The following CUX1 variants were observed in gnomAD, a reference collection of about 807,000 sequenced individuals.
CUX1 encodes cut like homeobox 1, also known as protein CASP.
Under a neutral mutation model 158.8 loss-of-function variants are expected in CUX1, and 31 were observed. The observed-to-expected ratio is 0.20, with a 90% CI of 0.15 to 0.26. CUX1 has a LOEUF of 0.26. Among genes scored for constraint, CUX1 ranks in the 10% least tolerant of loss-of-function variants. CUX1 has a pLI of 1.00. For missense variants in CUX1, 1,589 were observed against 2,014.6 expected (o/e 0.79, Z 4.04); for synonymous variants, 879 against 862.1 (o/e 1.02, Z -0.34).
chr7:102,280,919 C>T, intron 20 of CUX1: 19 of 1,493,862 alleles, frequency 1.3e-5, no homozygotes, highest in Non-Finnish European at 1.8e-5. Flanking sequence ...TGTCTCCAGG[C>T]ACCTCTTCAC....
intron 20 of CUX1, among the ~76,000 whole-genome samples, chr7:102,216,183 A>G (rs538371188): frequency 5.8e-4 from 88 of 152,108 alleles, no homozygotes; most frequent in Middle Eastern, 3.4e-3. Flanking sequence ...GTGCATCTAT[A>G]ATCTATAGTC....
At chr7:102,034,132 C>G (rs1372295068) in intron 3 of CUX1, among the ~76,000 whole-genome samples, 3 of 109,672 alleles carry the variant, frequency 2.7e-5, no homozygotes, top group South Asian at 6.4e-4. Context: ...GGTGACAGAG[C>G]GAGACTCCAT....
In CUX1 at chr7:102,158,591, C is replaced by A; in HGVS notation, c.706C>A (p.Leu236Ile). ...ADEIEMIMTD[L>I]ERANQRAEVA... ...CGAGATTGAAATGATCATGACGGAC[C>A]TTGAAAGGGCAAACCAGGTAGGACC... is the stretch of plus-strand genomic sequence containing the variant. Residue 236 changes from leucine to isoleucine, a missense_variant, in exon 9 of 24, where the codon CTT (leucine) becomes ATT (isoleucine). Transcript: ENST00000292535. 6.2e-7 allele frequency: 1 copy of A among 1,613,986 alleles called. No homozygotes were observed. Among genetic ancestry groups the A allele is most frequent in the South Asian group, 1.1e-5 (1 of 91,040 alleles).
At chr7:101,988,702 T>C (rs17408640) in intron 2 of CUX1, among the ~76,000 whole-genome samples, 25,878 of 152,040 alleles carry the variant, frequency 0.17, 2,457 homozygotes, top group Middle Eastern at 0.22. Context: ...GACAGAGTCC[T>C]GCGTCGGGAT....
At chr7:101,895,282 G>A (rs12534641) in intron 1 of CUX1, among the ~76,000 whole-genome samples, 31,813 of 152,032 alleles carry the variant, frequency 0.21, 5,064 homozygotes, top group East Asian at 0.84. Flanking sequence ...GAAATCATGT[G>A]GGAAGTGCTT....
intron 3 of CUX1, among the ~76,000 whole-genome samples, chr7:102,031,728 G>A (rs989494587): frequency 2.0e-5 from 3 of 151,918 alleles, no homozygotes; most frequent in African/African-American, 7.3e-5. Context: ...ATGGTTATAC[G>A]GGGAAGCAAA....
chr7:102,080,854 A>G (rs1422169126), intron 4 of CUX1, among the ~76,000 whole-genome samples: 3 of 152,220 alleles, frequency 2.0e-5, no homozygotes, highest in Non-Finnish European at 4.4e-5. Flanking sequence ...TTTGCATTAA[A>G]GTCCCAGAGC....
intron 3 of CUX1, among the ~76,000 whole-genome samples, chr7:102,042,942 C>T (rs1822289237): frequency 6.6e-6 from 1 of 151,752 alleles, no homozygotes; most frequent in Non-Finnish European, 1.5e-5. Flanking sequence ...GGCTCCTGGC[C>T]AGGCTAATTT....
intron 2 of CUX1, among the ~76,000 whole-genome samples, chr7:101,938,763 G>C (rs150203028): frequency 1.3e-5 from 2 of 152,018 alleles, no homozygotes; most frequent in Non-Finnish European, 2.9e-5. Flanking sequence ...AAAATTAGCC[G>C]AGCGTGATGG....
At chr7:102,035,213 T>TA (rs961412889) in intron 3 of CUX1, among the ~76,000 whole-genome samples, 3 of 152,250 alleles carry the variant, frequency 2.0e-5, no homozygotes, top group Admixed American at 1.3e-4. Flanking sequence ...GCTCTTGACT[T>TA]ACGATGGTGC....
chr7:102,132,797 G>C (rs1243819654), intron 8 of CUX1, among the ~76,000 whole-genome samples: 5 of 143,832 alleles, frequency 3.5e-5, no homozygotes, highest in African/African-American at 1.3e-4. Flanking sequence ...TCAGCTTCCT[G>C]AGTAGCTGGG....
intron 20 of CUX1, among the ~76,000 whole-genome samples, chr7:102,206,354 C>T (rs779101280): frequency 2.0e-5 from 3 of 152,198 alleles, no homozygotes. Flanking sequence ...AGGGATCACT[C>T]ATTCTGGCTT....
At chr7:101,863,551 A>G (rs1398041329) in intron 1 of CUX1, among the ~76,000 whole-genome samples, 1 of 152,162 alleles carries the variant, frequency 6.6e-6, no homozygotes, top group East Asian at 1.9e-4. Context: ...AGGTTTCGCC[A>G]TGTTGGCCAG....
intron 9 of CUX1, among the ~76,000 whole-genome samples, chr7:102,164,332 G>A (rs1790778352): frequency 6.6e-6 from 1 of 152,234 alleles, no homozygotes; most frequent in Non-Finnish European, 1.5e-5. Flanking sequence ...TTTGAAGCCA[G>A]CATTTCTTTA....
chr7:101,937,577 C>A (rs1807094301), intron 2 of CUX1, among the ~76,000 whole-genome samples: 1 of 151,618 alleles, frequency 6.6e-6, no homozygotes. Flanking sequence ...GTAGCACGAT[C>A]TTGGCCCATT....
Position 101,869,183 on chromosome 7 carries a change from G to GAGACC in CUX1, c.31-46929_31-46925dup, listed in dbSNP as rs756812951. ...AATGGCTGGTGGGGGCAGGTAGGGG[G>GAGACC]AGACCAGGATGAGCCCCATGTGCGC... On this transcript the variant is annotated intron_variant, in intron 1 of 23. Transcript: ENST00000292535. This position sits in a 1 kb window ranked among gnomAD's most constrained non-coding sequence, Gnocchi z 4.5. Among the ~76,000 whole-genome samples the GAGACC allele has an allele frequency of 6.6e-6, 1 of 151,986 alleles. No individual in the cohort carries two copies. The highest frequency in any genetic ancestry group is 1.5e-5 in the Non-Finnish European group (1 of 67,982).
intron 1 of CUX1, among the ~76,000 whole-genome samples, chr7:101,872,315 G>A (rs981645104): frequency 6.6e-6 from 1 of 151,812 alleles, no homozygotes; most frequent in Non-Finnish European, 1.5e-5. Flanking sequence ...TGTATTTTTA[G>A]TAGAGACGGG....
chr7:101,913,161 T>C (rs950836881), intron 1 of CUX1: 3 of 246,130 alleles, frequency 1.2e-5, no homozygotes, highest in African/African-American at 6.9e-5. Flanking sequence ...TTTAAAAAAA[T>C]TTTCTCCAAG....
In CUX1 at chr7:101,882,076, C is replaced by T. The variant is rs1443378146; in HGVS notation, c.31-34039C>T. Among the ~76,000 whole-genome samples, 38 of 151,054 alleles carry T rather than the reference C, an allele frequency of 2.5e-4. 1 individual carries two copies. The highest frequency in any genetic ancestry group is 2.3e-3 in the Admixed American group (35 of 15,128). On this transcript the variant is annotated intron_variant, in intron 1 of 23. Transcript: ENST00000292535. ...GTGCACGCCTGTAGTCCCATCTCCT[C>T]GGGAGGCTGAGGTGGGAGGATCGCT...
Sources: gnomAD v4.1 joint callset for allele counts (sites outside exome capture counted in the v4.1 genomes callset) on GRCh38, gnomAD v4.1.1 for gene constraint, Gnocchi (gnomAD v3.1) non-coding constraint, MANE v1.5 for transcripts, NCBI Gene and HGNC (gene_info 2026-07-23, HGNC 2026-07-21) for gene names.